The following LCOR variants were observed in gnomAD, a reference collection of about 807,000 sequenced individuals.
LCOR encodes ligand-dependent corepressor.
LCOR carries 14 observed loss-of-function variants against 64.4 expected under a neutral mutation model. The ratio of observed to expected loss-of-function variants is 0.22; its 90% CI spans 0.14 to 0.34. The LOEUF (loss-of-function observed/expected upper bound fraction) is 0.34. Among genes scored for constraint, LCOR ranks in the 10% least tolerant of loss-of-function variants. LCOR has a pLI of 1.00. For missense variants in LCOR, 1,686 were observed against 1,765.3 expected, an observed-to-expected ratio of 0.96 and a Z score of 0.80; for synonymous variants, 643 against 642.5, an observed-to-expected ratio of 1.00 and a Z score of -0.01.
At chr10:96,887,199 T>C (rs993962138) in intron 2 of LCOR, among the ~76,000 whole-genome samples, 11 of 152,218 alleles carry the variant, frequency 7.2e-5, no homozygotes, top group African/African-American at 2.2e-4. Flanking sequence ...ATAGTAGATA[T>C]TATAGTCTTT....
At chr10:96,903,047 C>T (rs1846668058) in intron 2 of LCOR, among the ~76,000 whole-genome samples, 1 of 152,122 alleles carries the variant, frequency 6.6e-6, no homozygotes. Flanking sequence ...CACACAATAT[C>T]ATTGTCACAC....
chr10:96,939,002 A>T (rs1847401294), intron 4 of LCOR, among the ~76,000 whole-genome samples: 1 of 152,228 alleles, frequency 6.6e-6, no homozygotes, highest in South Asian at 2.1e-4. Flanking sequence ...AGAGATTCAC[A>T]AGCTGGTCCT....
intron 2 of LCOR, among the ~76,000 whole-genome samples, chr10:96,874,504 G>C (rs539869768): frequency 6.6e-6 from 1 of 152,242 alleles, no homozygotes; most frequent in South Asian, 2.1e-4. Flanking sequence ...CATTTATGTA[G>C]TATTTTTTAT....
Position 96,907,297 on chromosome 10 carries a change from C to T in LCOR, c.-297C>T, listed in dbSNP as rs1163509446. On this transcript the variant is annotated 5_prime_UTR_variant, in exon 3 of 8. Transcript: ENST00000421806. ...AAGTATTCTTGAAGGGCTGTTTGGA[C>T]CTGCATTATTAAAAGATCTCAGTTT... 6.1e-6 allele frequency: 6 copies of T among 982,104 alleles called. No individual in the cohort carries two copies. The highest frequency in any genetic ancestry group is 7.3e-6 in the Non-Finnish European group (6 of 826,734). The allele number at this position is 982,104 out of a possible 1,614,324, so 60.8% of individuals were successfully genotyped here.
intron 2 of LCOR, among the ~76,000 whole-genome samples, chr10:96,842,241 A>T (rs1420110831): frequency 6.6e-6 from 1 of 152,070 alleles, no homozygotes; most frequent in Non-Finnish European, 1.5e-5. Context: ...CTAAAAATAC[A>T]AAAATTAGCC....
chr10:96,898,537 GGT>G (rs1246087243), intron 2 of LCOR, among the ~76,000 whole-genome samples: 4 of 152,178 alleles, frequency 2.6e-5, no homozygotes, highest in Non-Finnish European at 5.9e-5. Flanking sequence ...GGATTCTGGT[GGT>G]AGAGATGGTG....
At chr10:96,861,397 T>C (rs1291039756) in intron 2 of LCOR, among the ~76,000 whole-genome samples, 1 of 152,128 alleles carries the variant, frequency 6.6e-6, no homozygotes, top group East Asian at 1.9e-4. Flanking sequence ...GAAAACAAAA[T>C]CTGTTTTTCC....
chr10:96,985,017 G>C lies in LCOR; in HGVS notation c.4557G>C (p.Lys1519Asn), dbSNP rs1402033052. The change falls in exon 8 of 8, where the codon AAG (lysine) becomes AAC (asparagine). Residue 1519 changes from lysine (K) to asparagine (N), a missense_variant. Physicochemically the swap from Lys to Asn is moderately conservative, Grantham distance 94. Coordinates refer to ENST00000421806, the MANE Select transcript of LCOR (RefSeq NM_001346516.2). ...KATNRKQSSG[K>N]TRARPSTKTP... ...CGAATAGGAAGCAGAGTAGTGGAAA[G>C]ACTCGGGCCAGACCCTCAACGAAAA... 1.9e-6 allele frequency: 3 copies of C among 1,614,076 alleles called. No homozygotes were observed. Among genetic ancestry groups the C allele is most frequent in the African/African-American group, 2.7e-5 (2 of 74,918 alleles).
intron 2 of LCOR, among the ~76,000 whole-genome samples, chr10:96,858,200 A>G (rs1432301898): frequency 1.3e-5 from 2 of 152,202 alleles, no homozygotes; most frequent in Non-Finnish European, 2.9e-5. Flanking sequence ...TATTTGTGTG[A>G]ATTGTGATGA....
At chr10:96,894,103 A>T (rs945995165) in intron 2 of LCOR, among the ~76,000 whole-genome samples, 1 of 152,022 alleles carries the variant, frequency 6.6e-6, no homozygotes, top group African/African-American at 2.4e-5. Context: ...TTATTTATTT[A>T]TTTTTTGTAA....
At chr10:96,970,610 TTTTATTTTATTTTA>T (rs1196478314) in intron 7 of LCOR, among the ~76,000 whole-genome samples, 118 of 148,006 alleles carry the variant, frequency 8.0e-4, no homozygotes, top group African/African-American at 2.4e-3. Flanking sequence ...TTTTATTTTA[TTTTATTTTATTTTA>T]TTTATTTTAT....
At chr10:96,833,140 GT>G (rs1207517980) in intron 1 of LCOR, 2 of 985,420 alleles carry the variant, frequency 2.0e-6, no homozygotes, top group African/African-American at 3.5e-5. Flanking sequence ...TTTGTGTTCG[GT>G]GTCGTGCTGC....
intron 7 of LCOR, among the ~76,000 whole-genome samples, chr10:96,974,070 GATAA>G (rs2134556828): frequency 6.6e-6 from 1 of 152,248 alleles, no homozygotes; most frequent in African/African-American, 2.4e-5. Flanking sequence ...CTATGATGTA[GATAA>G]ATATTGAGTA....
chr10:96,860,956 G>A (rs1030488173), intron 2 of LCOR, among the ~76,000 whole-genome samples: 1 of 152,146 alleles, frequency 6.6e-6, no homozygotes, highest in Admixed American at 6.6e-5. Context: ...GTTGAGGTAA[G>A]GACAGTTAGT....
chr10:96,949,541 C>T (rs1487770741), intron 6 of LCOR, among the ~76,000 whole-genome samples: 1 of 152,168 alleles, frequency 6.6e-6, no homozygotes, highest in Non-Finnish European at 1.5e-5. Context: ...ACAGTTGTCA[C>T]TAATCTTTCA....
chr10:96,867,849 C>T, intron 2 of LCOR, among the ~76,000 whole-genome samples: 1 of 151,888 alleles, frequency 6.6e-6, no homozygotes, highest in East Asian at 1.9e-4. Flanking sequence ...AGATAGCCTA[C>T]TGGAATTTTA....
chr10:96,912,619 C>T (rs866445740), intron 4 of LCOR, among the ~76,000 whole-genome samples: 30 of 125,846 alleles, frequency 2.4e-4, no homozygotes, highest in South Asian at 2.4e-3. Context: ...TTCCTTCCTT[C>T]CTTCCTTCCT....
chr10:96,892,040 G>C (rs1846454970), intron 2 of LCOR, among the ~76,000 whole-genome samples: 2 of 152,158 alleles, frequency 1.3e-5, no homozygotes, highest in African/African-American at 4.8e-5. Context: ...GGATGTTCCA[G>C]TGCACTTGAA....
intron 5 of LCOR, among the ~76,000 whole-genome samples, chr10:96,946,675 C>A (rs530165497): frequency 6.6e-6 from 1 of 152,122 alleles, no homozygotes. Flanking sequence ...TAAACTTCCA[C>A]AAGATAGAGA....
Sources: gnomAD v4.1 joint callset for allele counts (sites outside exome capture counted in the v4.1 genomes callset) on GRCh38, gnomAD v4.1.1 for gene constraint, MANE v1.5 for transcripts, NCBI Gene and HGNC (gene_info 2026-07-23, HGNC 2026-07-21) for gene names.